Variants in MEIS2 observed in about 807,000 individuals in gnomAD.
MEIS2 encodes the protein Meis homeobox 2.
A neutral mutation model predicts 58.6 loss-of-function variants in MEIS2; 9 were observed. The ratio of observed to expected loss-of-function variants is 0.15; its 90% CI spans 0.09 to 0.27. The LOEUF (loss-of-function observed/expected upper bound fraction) is 0.27. Ranked by LOEUF, MEIS2 falls within the 10% of genes least tolerant of loss-of-function variation. The pLI, the probability that MEIS2 is intolerant of heterozygous loss-of-function variation, is 1.00. For missense variants in MEIS2, 427 were observed against 635.0 expected (o/e 0.67, Z 3.52); for synonymous variants, 221 against 228.4 (o/e 0.97, Z 0.29).
At chr15:36,894,711 A>T in intron 11 of MEIS2, 1 of 1,599,548 alleles carries the variant, frequency 6.3e-7, no homozygotes, top group Non-Finnish European at 8.6e-7. Flanking sequence ...ACCCGACTGT[A>T]CTTACTTCCC....
chr15:37,070,775 T>C (rs1421867025), intron 7 of MEIS2, among the ~76,000 whole-genome samples: 1 of 152,270 alleles, frequency 6.6e-6, no homozygotes, highest in Admixed American at 6.5e-5. Flanking sequence ...TTGTGCCCTG[T>C]CTACAAGTTT....
At chr15:37,087,514 C>T (rs963741371) in intron 6 of MEIS2, among the ~76,000 whole-genome samples, 1 of 152,052 alleles carries the variant, frequency 6.6e-6, no homozygotes, top group Non-Finnish European at 1.5e-5. Context: ...CACAGGAGAG[C>T]GCTCTGCTGC....
At chr15:37,023,338 T>C (rs1208731861) in intron 8 of MEIS2, among the ~76,000 whole-genome samples, 1 of 152,214 alleles carries the variant, frequency 6.6e-6, no homozygotes, top group Non-Finnish European at 1.5e-5. Context: ...TGTGAATTCC[T>C]ATTTTGTTCA....
chr15:36,935,743 G>C (rs986676899), intron 9 of MEIS2, among the ~76,000 whole-genome samples: 12 of 151,702 alleles, frequency 7.9e-5, no homozygotes, highest in African/African-American at 2.9e-4. Flanking sequence ...TTTGACTATG[G>C]CTTTATCTCT....
chr15:37,048,336 GTATT>G (rs1486606142), intron 7 of MEIS2, among the ~76,000 whole-genome samples: 1 of 151,870 alleles, frequency 6.6e-6, no homozygotes, highest in Non-Finnish European at 1.5e-5. Flanking sequence ...TGTCAGCTAA[GTATT>G]TATCAATAAT....
intron 8 of MEIS2, among the ~76,000 whole-genome samples, chr15:36,952,576 G>T (rs1445942799): frequency 1.4e-5 from 2 of 146,964 alleles, no homozygotes; most frequent in Non-Finnish European, 3.0e-5. Context: ...ACAAAATGTG[G>T]GTTGTAGAGT....
Position 36,985,106 on chromosome 15 carries a change from T to C in MEIS2, c.901-34706A>G, listed in dbSNP as rs551253301. ...TTTTTCCCTCTTATACTCTTGACTA[T>C]CACTTTTATTTTATTTGTACTTGAT... On this transcript the variant is annotated intron_variant, in intron 8 of 11. Coordinates refer to ENST00000561208, the MANE Select transcript of MEIS2 (RefSeq NM_170675.5). 1.8e-4 allele frequency among the ~76,000 whole-genome samples: 27 copies of C among 152,266 alleles called. 1 individual carries two copies. The highest frequency in any genetic ancestry group is 1.5e-3 in the Admixed American group (23 of 15,286).
At chr15:36,989,008 A>C (rs1209319339) in intron 8 of MEIS2, among the ~76,000 whole-genome samples, 1 of 152,242 alleles carries the variant, frequency 6.6e-6, no homozygotes, top group Non-Finnish European at 1.5e-5. Flanking sequence ...GAGATCCACC[A>C]GTGATTACAA....
At chr15:37,099,141 G>C (rs1894778087) in intron 1 of MEIS2, 1 of 1,145,204 alleles carries the variant, frequency 8.7e-7, no homozygotes, top group Non-Finnish European at 1.1e-6. Flanking sequence ...GTAAAAGCTG[G>C]AGCGAGGCGA....
intron 8 of MEIS2, among the ~76,000 whole-genome samples, chr15:36,973,402 T>C (rs1480930418): frequency 6.6e-6 from 1 of 152,206 alleles, no homozygotes; most frequent in Non-Finnish European, 1.5e-5. Context: ...TTAAAAGCTG[T>C]TCTTTGGTTA....
intron 9 of MEIS2, among the ~76,000 whole-genome samples, chr15:36,917,216 G>C (rs2057318642): frequency 1.3e-5 from 2 of 152,160 alleles, no homozygotes; most frequent in Non-Finnish European, 2.9e-5. Flanking sequence ...CCAATTATTA[G>C]AGCAGACACA....
intron 7 of MEIS2, among the ~76,000 whole-genome samples, chr15:37,065,754 C>T (rs1889845250): frequency 6.6e-6 from 1 of 152,090 alleles, no homozygotes; most frequent in Non-Finnish European, 1.5e-5. Context: ...TTTTTATTCA[C>T]ACAAAAATAT....
chr15:37,047,632 C>T (rs535739221), intron 7 of MEIS2, among the ~76,000 whole-genome samples: 64 of 152,136 alleles, frequency 4.2e-4, no homozygotes, highest in Non-Finnish European at 7.5e-4. Context: ...TCTCTTTCAC[C>T]TAATAGTTTG....
At chr15:37,099,113 G>T in intron 1 of MEIS2, 1 of 1,040,708 alleles carries the variant, frequency 9.6e-7, no homozygotes, top group Non-Finnish European at 1.2e-6. Flanking sequence ...GGAGAACCGG[G>T]GGAATCGCGC....
At chr15:36,997,487 CTCT>C (rs1433979872) in intron 8 of MEIS2, among the ~76,000 whole-genome samples, 9 of 67,452 alleles carry the variant, frequency 1.3e-4, no homozygotes, top group African/African-American at 2.7e-4. Context: ...CTCTCTCTCT[CTCT>C]TTTTTTTTTT....
At chr15:37,041,830 A>G (rs570731329) in intron 7 of MEIS2, among the ~76,000 whole-genome samples, 1 of 152,340 alleles carries the variant, frequency 6.6e-6, no homozygotes, top group South Asian at 2.1e-4. Context: ...ATTTAAAAAA[A>G]GCTTAAAAAA....
intron 8 of MEIS2, among the ~76,000 whole-genome samples, chr15:36,951,979 T>A (rs2058763413): frequency 6.6e-6 from 1 of 152,306 alleles, no homozygotes; most frequent in Non-Finnish European, 1.5e-5. Context: ...ATTTGCATCC[T>A]ATGAGGCTGC....
chr15:36,948,829 C>A (rs1054303767), intron 9 of MEIS2, among the ~76,000 whole-genome samples: 2 of 151,934 alleles, frequency 1.3e-5, no homozygotes, highest in African/African-American at 2.4e-5. Flanking sequence ...ACATACACAT[C>A]CCCCTCCAGA....
chr15:36,922,754 GGC>G (rs1236669069), intron 9 of MEIS2, among the ~76,000 whole-genome samples: 1 of 150,928 alleles, frequency 6.6e-6, no homozygotes, highest in African/African-American at 2.4e-5. Context: ...CCGAGTAGCT[GGC>G]GCATGCCACC....
Sources: gnomAD v4.1 joint callset for allele counts (sites outside exome capture counted in the v4.1 genomes callset) on GRCh38, gnomAD v4.1.1 for gene constraint, MANE v1.5 for transcripts, NCBI Gene and HGNC (gene_info 2026-07-23, HGNC 2026-07-21) for gene names.